EXOC2: variants seen among roughly 807,000 people sequenced by gnomAD.
EXOC2 encodes SEC5-like 1.
In EXOC2, 70 loss-of-function variants were observed where a neutral mutation model predicts 131.8. The observed-to-expected ratio is 0.53, with a 90% CI of 0.44 to 0.65. The LOEUF is 0.65. Among genes scored for constraint, EXOC2 ranks in the 30% least tolerant of loss-of-function variants. EXOC2 has a pLI of 0.00. For missense variants in EXOC2, 923 were observed against 1,108.6 expected (o/e 0.83, Z 2.38); for synonymous variants, 411 against 398.4 (o/e 1.03, Z -0.38).
chr6:572,375 T>C lies in EXOC2; in HGVS notation c.1443+145A>G, dbSNP rs775757728. ...ACACAGCTACTAAGTGAGAGGGCTTTATAATGCTTTAACTGATTTTAAACT... is the reference window on the plus strand; with the variant it reads ...ACACAGCTACTAAGTGAGAGGGCTTCATAATGCTTTAACTGATTTTAAACT... On this transcript the variant is annotated intron_variant, in intron 13 of 27. Transcript: ENST00000230449. The C allele has an allele frequency of 1.3e-5, 14 of 1,046,404 alleles. No individual in the cohort carries two copies. The Admixed American group carries it at 2.2e-4, about 16-fold the overall frequency. The allele number at this position is 1,046,404 out of a possible 1,614,324, so 64.8% of individuals were successfully genotyped here.
In EXOC2 at chr6:592,643, T is replaced by A. The variant is rs1007908105; in HGVS notation, c.1074-56A>T. 7 of 1,372,488 alleles carry A rather than the reference T, an allele frequency of 5.1e-6. No homozygotes were observed. The African/African-American group carries it at 1.0e-4, about 20-fold the overall frequency. The allele number at this position is 1,372,488 out of a possible 1,614,324, so 85.0% of individuals were successfully genotyped here. ...AGGGAAATGCTGGCATATTTTAAAA[T>A]CATTACTTTTTAAAGGCTAAAATTT... On this transcript the variant is annotated intron_variant, in intron 10 of 27. Coordinates refer to ENST00000230449, the MANE Select transcript of EXOC2 (RefSeq NM_018303.6).
chr6:506,387 T>C lies in EXOC2; in HGVS notation c.2381-6687A>G, dbSNP rs1470052036. Among the ~76,000 whole-genome samples the C allele has an allele frequency of 1.3e-5, 2 of 152,124 alleles. No homozygotes were observed. The highest frequency in any genetic ancestry group is 2.9e-5 in the Non-Finnish European group (2 of 68,010). On this transcript the variant is annotated intron_variant, in intron 23 of 27. Transcript: ENST00000230449. The surrounding 1 kb of genome is among the most constrained non-coding windows in gnomAD (Gnocchi z 4.4). ...GCCAAATGTATGGTGCACACAGTATTAGGGAGGGATCATCAGTGTGGACAG... is the reference window on the plus strand; with the variant it reads ...GCCAAATGTATGGTGCACACAGTATCAGGGAGGGATCATCAGTGTGGACAG...
At chr6:500,792 A>G (rs1291830092) in intron 23 of EXOC2, among the ~76,000 whole-genome samples, 1 of 152,108 alleles carries the variant, frequency 6.6e-6, no homozygotes, top group East Asian at 1.9e-4. Context: ...CCCAGTAACA[A>G]CATTAAGGAA....
chr6:491,284 G>T, intron 25 of EXOC2, 98 bp from the exon 26 acceptor site: 1 of 1,273,554 alleles, frequency 7.9e-7, no homozygotes. Flanking sequence ...CTCATCGTAG[G>T]ATGGGGTTGG....
intron 13 of EXOC2, among the ~76,000 whole-genome samples, chr6:571,050 A>T (rs1484685093): frequency 6.6e-6 from 1 of 152,236 alleles, no homozygotes; most frequent in Non-Finnish European, 1.5e-5. Flanking sequence ...TACTGGAAAG[A>T]CTTATCAGGA....
chr6:594,609 T>C (rs1331337680), intron 10 of EXOC2, among the ~76,000 whole-genome samples: 1 of 152,214 alleles, frequency 6.6e-6, no homozygotes. Context: ...AAGCTTTGCT[T>C]AGTGGCTTTT....
chr6:521,407 T>A (rs1407572072), intron 23 of EXOC2, among the ~76,000 whole-genome samples: 1 of 152,206 alleles, frequency 6.6e-6, no homozygotes, highest in Non-Finnish European at 1.5e-5. Context: ...GCACTAGGAA[T>A]ATGATGTTCA....
intron 4 of EXOC2, among the ~76,000 whole-genome samples, chr6:621,342 C>G (rs1397631599): frequency 6.6e-6 from 1 of 152,232 alleles, no homozygotes; most frequent in Non-Finnish European, 1.5e-5. Flanking sequence ...GATATCTCTG[C>G]ACAAACCCTC....
At chr6:592,926 C>T (rs538507465) in intron 10 of EXOC2, among the ~76,000 whole-genome samples, 8 of 151,978 alleles carry the variant, frequency 5.3e-5, no homozygotes, top group African/African-American at 9.7e-5. Context: ...GCTACTCGGG[C>T]GGCTGAGGCA....
At chr6:494,034 T>C (rs1763584001) in intron 25 of EXOC2, among the ~76,000 whole-genome samples, 1 of 152,228 alleles carries the variant, frequency 6.6e-6, no homozygotes, top group Non-Finnish European at 1.5e-5. Flanking sequence ...CGACTGCCTG[T>C]TAATTCATCT....
rs182743246 is a variant in EXOC2 at position 494,793 on chromosome 6, T to C, written c.2559+2574A>G. 7.4e-3 allele frequency among the ~76,000 whole-genome samples: 1,126 copies of C among 152,350 alleles called. 7 individuals carry two copies. The highest frequency in any genetic ancestry group is 0.017 in the Middle Eastern group (5 of 294). Reference sequence around the variant, plus strand: ...ATTTATTCTCTTTAATGTGGAATAGTATTTGACTGTATGAATATATTAGTT... The same window carrying C: ...ATTTATTCTCTTTAATGTGGAATAGCATTTGACTGTATGAATATATTAGTT... On this transcript the variant is annotated intron_variant, in intron 25 of 27. Coordinates refer to ENST00000230449, the MANE Select transcript of EXOC2 (RefSeq NM_018303.6).
intron 11 of EXOC2, among the ~76,000 whole-genome samples, chr6:580,000 A>G (rs908413794): frequency 2.6e-5 from 4 of 151,896 alleles, no homozygotes; most frequent in African/African-American, 7.2e-5. Context: ...CATTTAAAAA[A>G]CTATACACAT....
At chr6:595,080 G>T (rs1295697497) in intron 10 of EXOC2, among the ~76,000 whole-genome samples, 1 of 151,134 alleles carries the variant, frequency 6.6e-6, no homozygotes, top group Non-Finnish European at 1.5e-5. Context: ...TCACACTGCT[G>T]TGGAAAGGAA....
intron 11 of EXOC2, among the ~76,000 whole-genome samples, chr6:590,585 C>G (rs1358856289): frequency 6.6e-6 from 1 of 152,204 alleles, no homozygotes; most frequent in Non-Finnish European, 1.5e-5. Context: ...GGGCTCAGGT[C>G]TCAGGCCCTG....
chr6:517,637 A>C (rs980011792), intron 23 of EXOC2, among the ~76,000 whole-genome samples: 1 of 152,256 alleles, frequency 6.6e-6, no homozygotes, highest in African/African-American at 2.4e-5. Flanking sequence ...AAACCATTAG[A>C]TGAAAAGTTT....
chr6:521,523 T>G (rs1346308516), intron 23 of EXOC2, among the ~76,000 whole-genome samples: 1 of 152,158 alleles, frequency 6.6e-6, no homozygotes, highest in Non-Finnish European at 1.5e-5. Context: ...TTTATAGCAT[T>G]TGAATTCTTT....
intron 1 of EXOC2, among the ~76,000 whole-genome samples, chr6:658,490 A>C (rs746213144): frequency 2.0e-5 from 3 of 151,860 alleles, no homozygotes; most frequent in Non-Finnish European, 4.4e-5. Flanking sequence ...GATGTAAGTT[A>C]GAGGAGTTCT....
intron 20 of EXOC2, among the ~76,000 whole-genome samples, chr6:554,603 T>C (rs1044485996): frequency 6.6e-6 from 1 of 152,162 alleles, no homozygotes; most frequent in Admixed American, 6.5e-5. Flanking sequence ...TAGACAAACA[T>C]GGATAAATTC....
chr6:588,280 G>C (rs1006807434), intron 11 of EXOC2, among the ~76,000 whole-genome samples: 1 of 152,192 alleles, frequency 6.6e-6, no homozygotes, highest in Non-Finnish European at 1.5e-5. Context: ...AAAATAAAAT[G>C]TGAATTTAAG....
Sources: gnomAD v4.1 joint callset for allele counts (sites outside exome capture counted in the v4.1 genomes callset) on GRCh38, gnomAD v4.1.1 for gene constraint, Gnocchi (gnomAD v3.1) non-coding constraint, MANE v1.5 for transcripts, NCBI Gene and HGNC (gene_info 2026-07-23, HGNC 2026-07-21) for gene names.